The following MAP2 variants were observed in gnomAD, a reference collection of about 807,000 sequenced individuals.
MAP2 encodes the protein microtubule-associated protein 2.
MAP2 carries 14 observed loss-of-function variants against 137.6 expected under a neutral mutation model. The ratio of observed to expected loss-of-function variants is 0.10; its 90% CI spans 0.07 to 0.16. The LOEUF is 0.16. Ranked by LOEUF, MAP2 falls within the 10% of genes least tolerant of loss-of-function variation. The probability of loss-of-function intolerance (pLI) is 1.00; values close to 1 mark genes in which losing one functional copy is unlikely to be tolerated. For synonymous variants in MAP2, 786 were observed against 782.3 expected, an observed-to-expected ratio of 1.00 and a Z score of -0.08; for missense variants, 2,088 against 2,191.5, an observed-to-expected ratio of 0.95 and a Z score of 0.94.
chr2:209,507,585 C>CT lies in MAP2; in HGVS notation c.-221-3dup, dbSNP rs1463831394. On this transcript the variant is annotated splice_region_variant and splice_polypyrimidine_tract_variant and intron_variant, in intron 1 of 15. Coordinates refer to ENST00000682079, the MANE Select transcript of MAP2 (RefSeq NM_001375505.1). ...ACTTACTGGGTATTTTTCTTTTCTT[C>CT]TTTTAGATTTTATTGATCTAATCCA... 6.6e-6 allele frequency: 1 copy of CT among 151,894 alleles called. No homozygotes were observed. The highest frequency in any genetic ancestry group is 2.4e-5 in the African/African-American group (1 of 41,372). 9.4% of individuals were successfully genotyped at this position (151,894 alleles called of 1,614,324 possible).
In MAP2 at chr2:209,695,817, A is replaced by T. The variant is rs932744669; in HGVS notation, c.3647A>T (p.Asp1216Val). 2 of 1,614,002 alleles carry T rather than the reference A, an allele frequency of 1.2e-6. No individual in the cohort carries two copies. Among genetic ancestry groups the T allele is most frequent in the Admixed American group, 1.7e-5 (1 of 59,994 alleles). Residue 1216 changes from aspartate (D) to valine (V), a missense_variant, in exon 8 of 16, where the codon GAT (aspartate) becomes GTT (valine). Coordinates refer to ENST00000682079, the MANE Select transcript of MAP2 (RefSeq NM_001375505.1). The stretch of plus-strand genomic sequence containing the variant: ...CCAGATATATCCATCACGCCTTCTG[A>T]TGTTGCAGAGCCATTGCATGAAACG... The part of the protein sequence containing the change: ...ETPDISITPS[D>V]VAEPLHETIV...
intron 2 of MAP2, among the ~76,000 whole-genome samples, chr2:209,565,545 G>T (rs946325027): frequency 6.6e-6 from 1 of 152,084 alleles, no homozygotes. Flanking sequence ...ATTACAGATT[G>T]AATTATATCT....
chr2:209,560,989 C>T (rs1418628241), intron 2 of MAP2, among the ~76,000 whole-genome samples: 15 of 152,028 alleles, frequency 9.9e-5, no homozygotes, highest in Admixed American at 6.5e-4. Flanking sequence ...GGAAGGAAAG[C>T]AAAACAGCCC....
At chr2:209,563,898 A>G (rs1398426942) in intron 2 of MAP2, among the ~76,000 whole-genome samples, 44 of 152,196 alleles carry the variant, frequency 2.9e-4, no homozygotes. Context: ...TGCACGTACT[A>G]GGTGATAAAA....
At chr2:209,452,859 A>C (rs1221895659) in intron 1 of MAP2, among the ~76,000 whole-genome samples, 1 of 152,220 alleles carries the variant, frequency 6.6e-6, no homozygotes, top group Non-Finnish European at 1.5e-5. Flanking sequence ...TTTAACAATC[A>C]AAAGGATACA....
intron 1 of MAP2, among the ~76,000 whole-genome samples, chr2:209,428,589 ATTC>A (rs2149254976): frequency 6.6e-6 from 1 of 151,992 alleles, no homozygotes; most frequent in Non-Finnish European, 1.5e-5. Context: ...ATAGCCTGAT[ATTC>A]TTATTGAAAT....
intron 5 of MAP2, 135 bp downstream of exon 5, chr2:209,653,567 TAAAAG>T: frequency 1.1e-6 from 1 of 880,578 alleles, no homozygotes. Context: ...TCAGAGGAAA[TAAAAG>T]AAGAGAAAAA....
intron 1 of MAP2, among the ~76,000 whole-genome samples, chr2:209,440,867 GAAGCCTGTT>G (rs2149389524): frequency 6.6e-6 from 1 of 151,572 alleles, no homozygotes; most frequent in Non-Finnish European, 1.5e-5. Flanking sequence ...TTGCCCTCCT[GAAGCCTGTT>G]ACCCAGTTGA....
intron 3 of MAP2, among the ~76,000 whole-genome samples, chr2:209,608,531 A>G (rs1421783109): frequency 6.6e-6 from 1 of 152,086 alleles, no homozygotes; most frequent in East Asian, 1.9e-4. Flanking sequence ...ATTCTGCAAT[A>G]TTGAATTGTA....
At position 209,447,844 on chromosome 2, in the gene MAP2, A is replaced by T. The variant is rs145543156; in HGVS notation, c.-222+23568A>T. 4.0e-4 allele frequency among the ~76,000 whole-genome samples: 61 copies of T among 152,192 alleles called. 1 individual carries two copies. The East Asian group carries it at 0.01, about 26-fold the overall frequency. The stretch of plus-strand genomic sequence containing the variant: ...CCTAGCTAAAAGAGACACAACAAGG[A>T]CTGCAAAGTTCAGTAGAGGGCTCAC... On this transcript the variant is annotated intron_variant, in intron 1 of 15. Coordinates refer to ENST00000682079, the MANE Select transcript of MAP2 (RefSeq NM_001375505.1).
At chr2:209,687,794 G>A (rs1434082347) in intron 7 of MAP2, among the ~76,000 whole-genome samples, 3 of 152,134 alleles carry the variant, frequency 2.0e-5, no homozygotes, top group Non-Finnish European at 2.9e-5. Flanking sequence ...GGGGAGAGGC[G>A]TGGACTCCTA....
intron 10 of MAP2, among the ~76,000 whole-genome samples, chr2:209,698,705 T>C (rs2060932087): frequency 6.6e-6 from 1 of 152,220 alleles, no homozygotes. Flanking sequence ...TATCTGAAGC[T>C]AGGAGTTAGG....
chr2:209,596,929 T>C (rs1199322455), intron 3 of MAP2, among the ~76,000 whole-genome samples: 1 of 152,180 alleles, frequency 6.6e-6, no homozygotes, highest in Non-Finnish European at 1.5e-5. Context: ...TCAGTAAAAA[T>C]AGGACTCCTG....
intron 3 of MAP2, among the ~76,000 whole-genome samples, chr2:209,592,118 TG>T (rs1429331100): frequency 6.6e-6 from 1 of 152,168 alleles, no homozygotes; most frequent in East Asian, 1.9e-4. Context: ...TCTTCTAAAC[TG>T]GGTTCAGCAC....
At chr2:209,714,247 C>T (rs1031435936) in intron 13 of MAP2, among the ~76,000 whole-genome samples, 1 of 152,034 alleles carries the variant, frequency 6.6e-6, no homozygotes, top group African/African-American at 2.4e-5. Flanking sequence ...AAGTTATATG[C>T]GCTTGTAATA....
intron 13 of MAP2, among the ~76,000 whole-genome samples, chr2:209,720,532 A>C (rs957351985): frequency 6.6e-6 from 1 of 151,026 alleles, no homozygotes; most frequent in Admixed American, 6.6e-5. Context: ...CCAGCTACTC[A>C]GGAAGCTGAG....
At chr2:209,678,713 AC>A in intron 6 of MAP2, 28 bp downstream of exon 6, 1 of 1,399,766 alleles carries the variant, frequency 7.1e-7, no homozygotes, top group South Asian at 1.2e-5. Context: ...CAGGTCAGGG[AC>A]TGTGTCTGTT....
intron 4 of MAP2, among the ~76,000 whole-genome samples, chr2:209,636,145 G>A (rs2093543149): frequency 6.6e-6 from 1 of 152,084 alleles, no homozygotes. Flanking sequence ...AATTACTACA[G>A]AAGGCAGTTT....
chr2:209,542,781 T>G (rs1442151521), intron 2 of MAP2, among the ~76,000 whole-genome samples: 2 of 152,254 alleles, frequency 1.3e-5, no homozygotes, highest in Admixed American at 1.3e-4. Flanking sequence ...CTTCATAGAA[T>G]TGAAAAGAGC....
Sources: allele counts gnomAD v4.1 joint callset (sites outside exome capture counted in the v4.1 genomes callset), GRCh38; gene constraint gnomAD v4.1.1; transcripts MANE v1.5; gene names NCBI Gene and HGNC (gene_info 2026-07-23, HGNC 2026-07-21).